The following SCRG1 variants were observed in gnomAD, a reference collection of about 807,000 sequenced individuals.
SCRG1 encodes scrapie-responsive protein 1.
A neutral mutation model predicts 7.7 loss-of-function variants in SCRG1; 3 were observed. The observed-to-expected ratio is 0.39, with a 90% CI of 0.18 to 1.01. The LOEUF is 1.01. SCRG1 is among the 50% of genes least tolerant of loss of function. The probability of loss-of-function intolerance (pLI) is 0.36; values close to 1 mark genes in which losing one functional copy is unlikely to be tolerated. For missense variants in SCRG1, 110 were observed against 117.2 expected (o/e 0.94, Z 0.28); for synonymous variants, 46 against 41.2 (o/e 1.12, Z -0.44).
the SCRG1 span, among the ~76,000 whole-genome samples, chr4:173,420,533 A>G: frequency 6.6e-6 from 1 of 152,202 alleles, no homozygotes; most frequent in Non-Finnish European, 1.5e-5. Flanking sequence ...AGCTACAACT[A>G]TTGTGTCTGT....
the SCRG1 span, among the ~76,000 whole-genome samples, chr4:173,516,928 G>A: frequency 1.3e-5 from 2 of 152,354 alleles, no homozygotes; most frequent in South Asian, 4.1e-4. Flanking sequence ...GTGATAAGGT[G>A]CTAGAAAGGA....
the SCRG1 span, among the ~76,000 whole-genome samples, chr4:173,484,569 T>G: frequency 3.5e-5 from 3 of 85,632 alleles, no homozygotes; most frequent in African/African-American, 1.4e-4. Flanking sequence ...ATATTATGTA[T>G]ATTTTATATA....
chr4:173,510,423 CATATAT>C, the SCRG1 span, among the ~76,000 whole-genome samples: 7,776 of 148,750 alleles, frequency 0.052, 690 homozygotes, highest in African/African-American at 0.18. This position sits in a 1 kb window ranked among gnomAD's most constrained non-coding sequence, Gnocchi z 5.7. Context: ...AGGCCAAAAC[CATATAT>C]ATATATATAT....
rs1302682141 is a variant in SCRG1, at chr4:173,387,329, G to A, written c.*1012C>T. On this transcript the variant is annotated 3_prime_UTR_variant, in exon 3 of 3. Coordinates refer to ENST00000296506, the MANE Select transcript of SCRG1 (RefSeq NM_007281.4). ...GTTTTTTAAGAGAGTAAAATGAAAT[G>A]TGCTTAAAGTTCTTGGTTTTTGTTT... 1 of 152,106 alleles carries A rather than the reference G, an allele frequency of 6.6e-6. No individual in the cohort carries two copies. Among genetic ancestry groups the A allele is most frequent in the East Asian group, 1.9e-4 (1 of 5,186 alleles). The allele number at this position is 152,106 out of a possible 1,614,324, so 9.4% of individuals were successfully genotyped here. A position where few individuals can be genotyped will look rare whatever the true frequency, so the allele number is the denominator to read the frequency against.
chr4:173,414,051 C>T, the SCRG1 span, among the ~76,000 whole-genome samples: 11 of 152,162 alleles, frequency 7.2e-5, no homozygotes, highest in Non-Finnish European at 1.6e-4. Context: ...GTACCTGTTA[C>T]AAATAAATAA....
At chr4:173,391,496 G>T in intron 1 of SCRG1, 68 bp from the exon 2 acceptor site, 1 of 1,504,930 alleles carries the variant, frequency 6.6e-7, no homozygotes, top group South Asian at 1.2e-5. Flanking sequence ...TCTGAATGAA[G>T]TTCTGTAGCA....
the SCRG1 span, among the ~76,000 whole-genome samples, chr4:173,444,888 C>T: frequency 6.6e-6 from 1 of 152,216 alleles, no homozygotes; most frequent in Admixed American, 6.5e-5. Flanking sequence ...GGTCTCCAAG[C>T]TATGGAAATT....
chr4:173,417,415 C>G, the SCRG1 span, among the ~76,000 whole-genome samples: 2 of 152,090 alleles, frequency 1.3e-5, no homozygotes, highest in Non-Finnish European at 2.9e-5. Context: ...TCCAGCATGC[C>G]CCAGTTGCCC....
At chr4:173,495,851 C>T in the SCRG1 span, among the ~76,000 whole-genome samples, 3 of 152,156 alleles carry the variant, frequency 2.0e-5, no homozygotes, top group Admixed American at 1.3e-4. Flanking sequence ...AAACTCACAC[C>T]TAGTGGAGAA....
At chr4:173,452,477 T>C in the SCRG1 span, among the ~76,000 whole-genome samples, 2 of 152,162 alleles carry the variant, frequency 1.3e-5, no homozygotes, top group African/African-American at 2.4e-5. Flanking sequence ...GGGCCAACTG[T>C]ATTATTTTAG....
the SCRG1 span, among the ~76,000 whole-genome samples, chr4:173,503,666 G>A: frequency 8.5e-5 from 13 of 152,158 alleles, no homozygotes; most frequent in African/African-American, 3.1e-4. This position sits in a 1 kb window ranked among gnomAD's most constrained non-coding sequence, Gnocchi z 6.4. Context: ...TATAAAGGAG[G>A]AAGTCAACAT....
the SCRG1 span, among the ~76,000 whole-genome samples, chr4:173,416,954 A>AGT: frequency 1.3e-5 from 1 of 76,598 alleles, no homozygotes; most frequent in Non-Finnish European, 3.1e-5. Flanking sequence ...ACACACACAC[A>AGT]GTCACATCAT....
At chr4:173,452,222 TGAGACTTCATCTCAAAGAA>T in the SCRG1 span, among the ~76,000 whole-genome samples, 1 of 133,834 alleles carries the variant, frequency 7.5e-6, no homozygotes, top group African/African-American at 2.8e-5. Context: ...AGTGACAGAG[TGAGACTTCATCTCAAAGAA>T]GAAAAAAAAA....
the SCRG1 span, among the ~76,000 whole-genome samples, chr4:173,485,031 ATATATTATATATTATATAATATAT>A: frequency 1.1e-4 from 3 of 27,354 alleles, no homozygotes; most frequent in Admixed American, 1.7e-3. Flanking sequence ...ATAATATATT[ATATATTATATATTATATAATATAT>A]TATATATTAT....
At chr4:173,518,341 G>T in the SCRG1 span, among the ~76,000 whole-genome samples, 1 of 152,162 alleles carries the variant, frequency 6.6e-6, no homozygotes, top group African/African-American at 2.4e-5. Context: ...AAGAGCCTCG[G>T]TTGTCTCCAG....
At chr4:173,490,388 C>T in the SCRG1 span, among the ~76,000 whole-genome samples, 1 of 152,154 alleles carries the variant, frequency 6.6e-6, no homozygotes, top group Non-Finnish European at 1.5e-5. Flanking sequence ...TCAGGAATTG[C>T]TTCATTAAGA....
upstream of SCRG1, among the ~76,000 whole-genome samples, chr4:173,403,543 C>A (rs1412817469): frequency 6.6e-6 from 1 of 151,930 alleles, no homozygotes; most frequent in African/African-American, 2.4e-5. Flanking sequence ...ACTCATGTAA[C>A]CATGAGTAAC....
At chr4:173,393,091 GAAA>G (rs144270068) in intron 1 of SCRG1, among the ~76,000 whole-genome samples, 2 of 136,560 alleles carry the variant, frequency 1.5e-5, no homozygotes, top group East Asian at 2.1e-4. Flanking sequence ...ACTCCGTCTC[GAAA>G]AAAAAAAAAA....
chr4:173,428,619 T>C, the SCRG1 span, among the ~76,000 whole-genome samples: 1 of 152,352 alleles, frequency 6.6e-6, no homozygotes, highest in East Asian at 1.9e-4. Flanking sequence ...TGTAAGAATC[T>C]GATCTCCATT....
Sources: allele counts gnomAD v4.1 joint callset (sites outside exome capture counted in the v4.1 genomes callset), GRCh38; gene constraint gnomAD v4.1.1; non-coding constraint Gnocchi (gnomAD v3.1); transcripts MANE v1.5; gene names NCBI Gene and HGNC (gene_info 2026-07-23, HGNC 2026-07-21).